Variants in DTX4 observed in about 807,000 individuals in gnomAD.
The protein encoded by DTX4 is E3 ubiquitin-protein ligase DTX4.
DTX4 carries 28 observed loss-of-function variants against 57.6 expected under a neutral mutation model. That is an observed-to-expected ratio of 0.49 (90% CI 0.36 to 0.67). The LOEUF is 0.67. Among genes scored for constraint, DTX4 ranks in the 30% least tolerant of loss-of-function variants. The pLI is 0.00. For missense variants in DTX4, 715 were observed against 836.8 expected, an observed-to-expected ratio of 0.85 and a Z score of 1.80; for synonymous variants, 316 against 331.0, an observed-to-expected ratio of 0.95 and a Z score of 0.49.
chr11:59,189,179 A>T lies in DTX4; in HGVS notation c.1015A>T (p.Met339Leu), dbSNP rs1399046097. 4.3e-6 allele frequency: 7 copies of T among 1,613,500 alleles called. No individual in the cohort carries two copies. The highest frequency in any genetic ancestry group is 5.1e-6 in the Non-Finnish European group (6 of 1,179,878). Residue 339 changes from methionine to leucine, a missense_variant, in exon 4 of 9, where the codon ATG becomes TTG. Physicochemically the swap from Met to Leu is conservative, Grantham distance 15 (BLOSUM62 2). Coordinates refer to ENST00000227451, the MANE Select transcript of DTX4 (RefSeq NM_015177.2). ...PALAGITGIL[M>L]SAAGLPVCLT... ...CCTTCCAGGAATCACTGGGATCCTC[A>T]TGAGTGCAGCGGGGCTGCCTGTGTG...
chr11:59,181,610 T>C, intron 1 of DTX4, 129 bp from the exon 2 acceptor site: 4 of 1,305,320 alleles, frequency 3.1e-6, no homozygotes, highest in Non-Finnish European at 3.1e-6. Flanking sequence ...CTTCAGGCAG[T>C]GTCATGCCCA....
At position 59,191,954 on chromosome 11, in the gene DTX4, G is replaced by C. The variant is rs2135521472; in HGVS notation, c.1222-144G>C. 2.1e-5 allele frequency: 18 copies of C among 861,580 alleles called. 1 individual carries two copies. The South Asian group carries it at 3.1e-4, about 15-fold the overall frequency. The allele number at this position is 861,580 out of a possible 1,614,324, so 53.4% of individuals were successfully genotyped here. A position where few individuals can be genotyped will look rare whatever the true frequency, so the allele number is the denominator to read the frequency against. ...TTGTGTAAAGACAAAACGATATTTA[G>C]ATTCCAGAAAGCACTTACACCCTGA... On this transcript the variant is annotated intron_variant, in intron 5 of 8. Coordinates refer to ENST00000227451, the MANE Select transcript of DTX4 (RefSeq NM_015177.2).
chr11:59,204,580 G>C, intron 8 of DTX4, 96 bp from the exon 9 acceptor site: 3 of 1,159,908 alleles, frequency 2.6e-6, no homozygotes, highest in Non-Finnish European at 2.5e-6. Context: ...GATGCAGGAA[G>C]GGATGGGGCC....
At position 59,182,243 on chromosome 11, in the gene DTX4, C is replaced by T; in HGVS notation, c.716C>T (p.Pro239Leu). 6.2e-7 allele frequency: 1 copy of T among 1,611,506 alleles called. No individual in the cohort carries two copies. The highest frequency in any genetic ancestry group is 8.5e-7 in the Non-Finnish European group (1 of 1,179,094). The change falls in exon 2 of 9, where the codon CCA (proline) becomes CTA (leucine). Residue 239 changes from proline to leucine, a missense_variant. Pro to Leu is a moderately conservative substitution (Grantham distance 98). Coordinates refer to ENST00000227451, the MANE Select transcript of DTX4 (RefSeq NM_015177.2). ...LPPLPGSGAK[P>L]LDSTGTIRGP... ...CCACTGCCAGGCTCTGGGGCCAAGC[C>T]ACTGGACAGCACAGGCACCATTCGA... is the stretch of plus-strand genomic sequence containing the variant.
In DTX4 at chr11:59,181,757, G is replaced by A. The variant is rs752098525; in HGVS notation, c.230G>A (p.Arg77His). Residue 77 changes from arginine (R) to histidine (H), a missense_variant, in exon 2 of 9, where the codon CGC becomes CAC. Arg to His is a conservative substitution (Grantham distance 29, BLOSUM62 0). Transcript: ENST00000227451. ...RQDTGTLRPV[R>H]RNYYDPSSAP... ...CTGGCAGGAACTCTCCGCCCAGTTCGCCGCAACTACTACGACCCCTCCTCG... is the reference window on the plus strand; with the variant it reads ...CTGGCAGGAACTCTCCGCCCAGTTCACCGCAACTACTACGACCCCTCCTCG... 19 of 1,606,224 alleles carry A rather than the reference G, an allele frequency of 1.2e-5. No homozygotes were observed. The highest frequency in any genetic ancestry group is 4.4e-5 in the South Asian group (4 of 90,242).
chr11:59,195,194 C>T lies in DTX4; in HGVS notation c.1375-14C>T. On this transcript the variant is annotated splice_polypyrimidine_tract_variant and intron_variant, in intron 6 of 8. Coordinates refer to ENST00000227451, the MANE Select transcript of DTX4 (RefSeq NM_015177.2). The stretch of plus-strand genomic sequence containing the variant: ...CTGTTTCCCAATCTGGCTCTTCTGG[C>T]CTTGGCCCCTCAGGATGGAAGTTTG... 1.9e-6 allele frequency: 3 copies of T among 1,613,902 alleles called. No individual in the cohort carries two copies. The highest frequency in any genetic ancestry group is 1.7e-6 in the Non-Finnish European group (2 of 1,179,850).
Position 59,199,743 on chromosome 11 carries a change from T to C in DTX4, c.1596T>C (p.Cys532=). The change falls in exon 8 of 9, where the codon TGT becomes TGC. Residue 532 remains cysteine (C), a synonymous_variant. Transcript: ENST00000227451. The stretch of plus-strand genomic sequence containing the variant: ...GCGCCCGAGGCTTCCCACGACACTG[T>C]TACCTTCCGGACAGCGAGAAAGGGA... The part of the protein sequence containing the change: ...SFSARGFPRH[C]YLPDSEKGRK... 1.3e-6 allele frequency: 2 copies of C among 1,571,110 alleles called. No individual in the cohort carries two copies. Among genetic ancestry groups the C allele is most frequent in the South Asian group, 2.4e-5 (2 of 85,042 alleles).
intron 1 of DTX4, 113 bp downstream of exon 1, chr11:59,172,919 A>G: frequency 1.4e-6 from 1 of 725,114 alleles, no homozygotes. Flanking sequence ...TCTGTGCAGC[A>G]GTGTCACCAA....
rs1862332656 is a variant in DTX4, at chr11:59,172,185, G to A, written c.-411G>A. Among the ~76,000 whole-genome samples, 1 of 152,142 alleles carries A rather than the reference G, an allele frequency of 6.6e-6. No homozygotes were observed. Among genetic ancestry groups the A allele is most frequent in the Non-Finnish European group, 1.5e-5 (1 of 67,988 alleles). ...CCACCCCGGCGTCTGCAGAGGCCGA[G>A]GCGCAACTGGTGCGAGGGCTGGGTC... On this transcript the variant is annotated 5_prime_UTR_variant, in exon 1 of 9. Coordinates refer to ENST00000227451, the MANE Select transcript of DTX4 (RefSeq NM_015177.2).
chr11:59,203,930 A>G (rs561324721), intron 8 of DTX4, among the ~76,000 whole-genome samples: 6 of 152,326 alleles, frequency 3.9e-5, no homozygotes, highest in East Asian at 1.9e-4. Flanking sequence ...CCTCCAGCCC[A>G]TACCATGTTT....
At chr11:59,188,661 T>G in intron 2 of DTX4, 74 bp from the exon 3 acceptor site, 1 of 1,328,486 alleles carries the variant, frequency 7.5e-7, no homozygotes, top group Non-Finnish European at 1.1e-6. Context: ...TAACTGCATT[T>G]TATTAGAATT....
Position 59,192,078 on chromosome 11 carries a change from T to C in DTX4, c.1222-20T>C, listed in dbSNP as rs1433209382. On this transcript the variant is annotated intron_variant, in intron 5 of 8. Coordinates refer to ENST00000227451, the MANE Select transcript of DTX4 (RefSeq NM_015177.2). ...GAGTGAGAGCTGACAGCCTCTCTGC[T>C]GTGTCTCCTCCCTCCCCAGGACTGC... The C allele has an allele frequency of 6.2e-7, 1 of 1,605,362 alleles. No individual in the cohort carries two copies. The highest frequency in any genetic ancestry group is 8.5e-7 in the Non-Finnish European group (1 of 1,173,906).
rs550715067 is a variant in DTX4 at position 59,172,377 on chromosome 11, G to T, written c.-219G>T. On this transcript the variant is annotated 5_prime_UTR_variant, in exon 1 of 9. Transcript: ENST00000227451. ...AGCAGCGGACCCCGGCGGCGGCGGC[G>T]GCGCGCGGTCCCAGCCAGGCGGCCC... The T allele has an allele frequency of 1.3e-4, 22 of 167,692 alleles. No individual in the cohort carries two copies. The highest frequency in any genetic ancestry group is 4.5e-4 in the Admixed American group (7 of 15,648). 10.4% of individuals were successfully genotyped at this position (167,692 alleles called of 1,614,324 possible).
intron 2 of DTX4, among the ~76,000 whole-genome samples, chr11:59,187,363 G>A (rs1862541119): frequency 6.6e-6 from 1 of 152,158 alleles, no homozygotes; most frequent in Non-Finnish European, 1.5e-5. Flanking sequence ...ATGTTGGAAG[G>A]ATCAGACAGG....
chr11:59,178,269 G>A (rs1397482543), intron 1 of DTX4, among the ~76,000 whole-genome samples: 2 of 152,026 alleles, frequency 1.3e-5, no homozygotes, highest in Admixed American at 6.6e-5. Flanking sequence ...GTATGTTGGT[G>A]GGTAGGGGGG....
In DTX4 at chr11:59,204,657, C is replaced by A; in HGVS notation, c.1627-19C>A. 6.2e-7 allele frequency: 1 copy of A among 1,601,920 alleles called. No homozygotes were observed. Among genetic ancestry groups the A allele is most frequent in the Non-Finnish European group, 8.5e-7 (1 of 1,173,666 alleles). On this transcript the variant is annotated intron_variant, in intron 8 of 8. Transcript: ENST00000227451. The stretch of plus-strand genomic sequence containing the variant: ...GCCAATTAATGTCTGCCTTTCATGT[C>A]CCACTTTTATCCCTCTAGGTTCTGA...
At chr11:59,187,737 T>C (rs1169340160) in intron 2 of DTX4, among the ~76,000 whole-genome samples, 1 of 152,120 alleles carries the variant, frequency 6.6e-6, no homozygotes, top group Non-Finnish European at 1.5e-5. Flanking sequence ...CCCAGACCCA[T>C]GTGTCCCATA....
At chr11:59,172,111 G>A (rs1370770822), upstream of DTX4, among the ~76,000 whole-genome samples, 1 of 151,906 alleles carries the variant, frequency 6.6e-6, no homozygotes, top group Non-Finnish European at 1.5e-5. Flanking sequence ...AGGGAGAGAG[G>A]GGAGGGGACC....
intron 6 of DTX4, chr11:59,194,804 T>A (rs186264399): frequency 4.3e-6 from 1 of 230,734 alleles, no homozygotes; most frequent in African/African-American, 2.4e-5. Flanking sequence ...GGCATCTGTG[T>A]GATTAACAAG....
Sources: gnomAD v4.1 joint callset for allele counts (sites outside exome capture counted in the v4.1 genomes callset) on GRCh38, gnomAD v4.1.1 for gene constraint, MANE v1.5 for transcripts, NCBI Gene and HGNC (gene_info 2026-07-23, HGNC 2026-07-21) for gene names.